Variants in ZNF91 observed in about 807,000 individuals in gnomAD.
ZNF91 encodes zinc finger protein 91 (HPF7, HTF10).
ZNF91 carries 7 observed loss-of-function variants against 12.6 expected under a neutral mutation model. The observed-to-expected ratio is 0.55, with a 90% CI of 0.31 to 1.04. The LOEUF is 1.04. Among genes scored for constraint, ZNF91 ranks in the 50% least tolerant of loss-of-function variants. The pLI, the probability that ZNF91 is intolerant of heterozygous loss-of-function variation, is 0.05. For synonymous variants in ZNF91, 453 were observed against 462.6 expected (o/e 0.98, Z 0.27); for missense variants, 1,217 against 1,385.4 (o/e 0.88, Z 1.93).
At chr19:23,305,875 T>G (rs539244389) in intron 3 of ZNF91, among the ~76,000 whole-genome samples, 1 of 152,350 alleles carries the variant, frequency 6.6e-6, no homozygotes, top group Non-Finnish European at 1.5e-5. Context: ...TTCCCAAACC[T>G]TGCCCCTGAA....
At chr19:23,331,276 G>A (rs905048806) in intron 1 of ZNF91, among the ~76,000 whole-genome samples, 21 of 117,552 alleles carry the variant, frequency 1.8e-4, no homozygotes, top group Non-Finnish European at 3.1e-4. Flanking sequence ...TGAAGTCCCT[G>A]AGGAAATTAA....
chr19:23,345,144 G>T lies in ZNF91; in HGVS notation c.254-6090C>A, dbSNP rs572245396. On this transcript the variant is annotated intron_variant, in intron 3 of 3. Transcript: ENST00000599743. Reference sequence around the variant, plus strand: ...GGATGCCTCTAAGCCATTTGATCCCGTTCTAGGAACAAAAAAGGCAGTGGT... The same window carrying T: ...GGATGCCTCTAAGCCATTTGATCCCTTTCTAGGAACAAAAAAGGCAGTGGT... Among the ~76,000 whole-genome samples, 76 of 152,250 alleles carry T rather than the reference G, an allele frequency of 5.0e-4. No homozygotes were observed. In the South Asian group the frequency reaches 0.012, roughly 23 times the overall value.
chr19:23,337,471 CAA>C (rs34158184), downstream of ZNF91, among the ~76,000 whole-genome samples: 42,050 of 122,102 alleles, frequency 0.34, 6,348 homozygotes, highest in East Asian at 0.43. Flanking sequence ...GTAATAACTT[CAA>C]AAAAAAAAAA....
intron 1 of ZNF91, among the ~76,000 whole-genome samples, chr19:23,318,064 C>T (rs1297344770): frequency 6.6e-6 from 1 of 152,232 alleles, no homozygotes; most frequent in Non-Finnish European, 1.5e-5. Flanking sequence ...CTCTAGTCCA[C>T]TGCCTTGGCA....
At chr19:23,335,485 TC>T, downstream of ZNF91, among the ~76,000 whole-genome samples, 1 of 152,244 alleles carries the variant, frequency 6.6e-6, no homozygotes, top group East Asian at 1.9e-4. Flanking sequence ...AATTCAAACT[TC>T]CCGGCTGCTT....
In ZNF91 at chr19:23,359,703, G is replaced by A. The variant is rs778184737; in HGVS notation, c.3276C>T (p.Thr1092=). 6.2e-7 allele frequency: 1 copy of A among 1,613,644 alleles called. No homozygotes were observed. Among genetic ancestry groups the A allele is most frequent in the South Asian group, 1.1e-5 (1 of 91,056 alleles). The change falls in exon 4 of 4, where the codon ACC becomes ACT. Residue 1092 remains threonine (T), a synonymous_variant. Coordinates refer to ENST00000300619, the MANE Select transcript of ZNF91 (RefSeq NM_003430.4). ...TGTGCAACCTCTTATGTCTAGTTAG[G>A]GTTGAAGATTGGCTAAATGCTTTGC... ...ECGKAFSQSS[T]LTRHKRLHTG...
At chr19:23,323,869 C>CG (rs1967778883) in intron 1 of ZNF91, 2 of 76,324 alleles carry the variant, frequency 2.6e-5, no homozygotes, top group Non-Finnish European at 5.4e-5. Flanking sequence ...TTCTTCTCCT[C>CG]TTCGTTTCCT....
rs544652681 is a variant in ZNF91, at chr19:23,340,207, C to T, written c.254-1153G>A. 4.6e-5 allele frequency: 7 copies of T among 152,136 alleles called. No homozygotes were observed. The South Asian group carries it at 8.3e-4, about 18-fold the overall frequency. 9.4% of individuals were successfully genotyped at this position (152,136 alleles called of 1,614,324 possible). ...TAAAAATCAGAACACAACCAAATGA[C>T]ATGAAGTCCAAAAACAATAAAAATG... On this transcript the variant is annotated intron_variant, in intron 3 of 3. Coordinates refer to the ZNF91 transcript ENST00000599743.
intron 1 of ZNF91, among the ~76,000 whole-genome samples, chr19:23,391,393 T>C (rs931890914): frequency 2.6e-5 from 4 of 152,282 alleles, no homozygotes; most frequent in Middle Eastern, 3.4e-3. Context: ...CCTAAGAACA[T>C]GCTGACTTCA....
At chr19:23,374,493 G>C (rs1488811653) in intron 2 of ZNF91, 145 bp downstream of exon 2, 3 of 819,302 alleles carry the variant, frequency 3.7e-6, no homozygotes, top group Non-Finnish European at 5.2e-6. Flanking sequence ...CTGGGAGGCA[G>C]AGCTTGCAAT....
At chr19:23,394,854 T>C (rs550169601) in intron 1 of ZNF91, among the ~76,000 whole-genome samples, 5 of 152,278 alleles carry the variant, frequency 3.3e-5, no homozygotes, top group Admixed American at 6.5e-5. Context: ...TTACAAACCA[T>C]AGCTGGGTGC....
downstream of ZNF91, among the ~76,000 whole-genome samples, chr19:23,335,917 T>C (rs1057443539): frequency 6.6e-6 from 1 of 152,160 alleles, no homozygotes; most frequent in African/African-American, 2.4e-5. Context: ...CTGGGAGCCG[T>C]AGACTGGAGC....
chr19:23,387,938 T>C (rs1157447036), intron 1 of ZNF91, among the ~76,000 whole-genome samples: 2 of 72,126 alleles, frequency 2.8e-5, no homozygotes, highest in African/African-American at 6.4e-5. Context: ...AGTGAGACTG[T>C]CTCAAAAAAA....
chr19:23,387,716 G>A (rs1215159925), intron 1 of ZNF91, among the ~76,000 whole-genome samples: 1 of 152,078 alleles, frequency 6.6e-6, no homozygotes, highest in African/African-American at 2.4e-5. Context: ...AAGGTGGGTG[G>A]ATCACCTGAG....
intron 3 of ZNF91, among the ~76,000 whole-genome samples, chr19:23,344,428 A>G (rs772175909): frequency 1.3e-5 from 2 of 152,162 alleles, no homozygotes; most frequent in Non-Finnish European, 2.9e-5. Flanking sequence ...CTAATCATGA[A>G]AAACATGTTT....
At chr19:23,342,126 C>T (rs527890058) in intron 3 of ZNF91, 104 of 405,332 alleles carry the variant, frequency 2.6e-4, no homozygotes, top group Non-Finnish European at 4.4e-4. Context: ...TTCTGACCTT[C>T]GTATCCCTCG....
downstream of ZNF91, chr19:23,337,855 C>T (rs1223793763): frequency 1.3e-5 from 2 of 151,572 alleles, no homozygotes; most frequent in Non-Finnish European, 2.9e-5. Context: ...TTATTGCAGG[C>T]AAAAGAAAAT....
chr19:23,390,043 G>A (rs1468118160), intron 1 of ZNF91, among the ~76,000 whole-genome samples: 3 of 152,136 alleles, frequency 2.0e-5, no homozygotes, highest in African/African-American at 7.2e-5. Context: ...CGGGACAGGC[G>A]CGCCAGCTCA....
chr19:23,312,486 C>T (rs1967486626), upstream of ZNF91, among the ~76,000 whole-genome samples: 1 of 152,168 alleles, frequency 6.6e-6, no homozygotes, highest in South Asian at 2.1e-4. Context: ...AACACAGAGT[C>T]CAAGACACAG....
Sources: gnomAD v4.1 joint callset for allele counts (sites outside exome capture counted in the v4.1 genomes callset) on GRCh38, gnomAD v4.1.1 for gene constraint, MANE v1.5 for transcripts, NCBI Gene and HGNC (gene_info 2026-07-23, HGNC 2026-07-21) for gene names.